The following PCSK2 variants were observed in gnomAD, a reference collection of about 807,000 sequenced individuals.
PCSK2 encodes proprotein convertase subtilisin/kexin type 2.
In PCSK2, 14 loss-of-function variants were observed where a neutral mutation model predicts 69.7. The ratio of observed to expected loss-of-function variants is 0.20; its 90% CI spans 0.13 to 0.31. PCSK2 has a LOEUF of 0.31. PCSK2 is among the 10% of genes least tolerant of loss of function. The probability of loss-of-function intolerance (pLI) is 1.00; values close to 1 mark genes in which losing one functional copy is unlikely to be tolerated. For synonymous variants in PCSK2, 307 were observed against 320.7 expected, an observed-to-expected ratio of 0.96 and a Z score of 0.46; for missense variants, 544 against 842.5, an observed-to-expected ratio of 0.65 and a Z score of 4.39.
intron 2 of PCSK2, among the ~76,000 whole-genome samples, chr20:17,351,140 T>C (rs1490799148): frequency 6.6e-6 from 1 of 152,090 alleles, no homozygotes. Flanking sequence ...AGCATGGTCA[T>C]AACTGGCACA....
chr20:17,374,988 G>A lies in PCSK2; in HGVS notation c.543+5711G>A, dbSNP rs1038908158. Among the ~76,000 whole-genome samples, 16 of 152,180 alleles carry A rather than the reference G, an allele frequency of 1.1e-4. 1 individual carries two copies. Among genetic ancestry groups the A allele is most frequent in the Non-Finnish European group, 1.9e-4 (13 of 68,034 alleles). ...GATGACTCCTGGCTCCCTACCTCAT[G>A]ATGCAGCCTTAGAGGAGCATATCAA... On this transcript the variant is annotated intron_variant, in intron 5 of 11. Coordinates refer to ENST00000262545, the MANE Select transcript of PCSK2 (RefSeq NM_002594.5).
chr20:17,435,218 T>C (rs1445969030), intron 7 of PCSK2, among the ~76,000 whole-genome samples: 1 of 152,178 alleles, frequency 6.6e-6, no homozygotes, highest in Non-Finnish European at 1.5e-5. Flanking sequence ...AATAAGGTAA[T>C]AATGCCAGAT....
At chr20:17,411,599 A>G (rs2031874395) in intron 6 of PCSK2, among the ~76,000 whole-genome samples, 2 of 152,218 alleles carry the variant, frequency 1.3e-5, no homozygotes, top group South Asian at 4.1e-4. Context: ...GCATAGCTGG[A>G]AAAAAGGAGC....
chr20:17,397,904 T>A (rs977837916), intron 5 of PCSK2, among the ~76,000 whole-genome samples: 1 of 152,222 alleles, frequency 6.6e-6, no homozygotes, highest in Non-Finnish European at 1.5e-5. Flanking sequence ...CAGAGCTGAC[T>A]TTTTCCATAG....
chr20:17,431,264 T>C (rs2032359630), intron 7 of PCSK2, among the ~76,000 whole-genome samples: 1 of 152,176 alleles, frequency 6.6e-6, no homozygotes, highest in Non-Finnish European at 1.5e-5. Context: ...CCCGCTAATG[T>C]GAGGAGGCTG....
At chr20:17,394,419 G>A (rs2031461790) in intron 5 of PCSK2, among the ~76,000 whole-genome samples, 2 of 152,340 alleles carry the variant, frequency 1.3e-5, no homozygotes, top group South Asian at 4.1e-4. Flanking sequence ...TCACAGCAGA[G>A]TGTCATGTGG....
At chr20:17,319,859 G>A (rs776231463) in intron 2 of PCSK2, among the ~76,000 whole-genome samples, 3 of 152,204 alleles carry the variant, frequency 2.0e-5, no homozygotes, top group Admixed American at 6.5e-5. Flanking sequence ...ATTCAGAAAG[G>A]TGACTTTTTT....
intron 11 of PCSK2, chr20:17,479,463 A>G (rs1600613748): frequency 3.8e-6 from 2 of 520,898 alleles, no homozygotes; most frequent in Admixed American, 3.0e-5. Context: ...GGGCGGAGCT[A>G]CGCCTGTGCC....
At chr20:17,235,320 A>T (rs1986298934) in intron 1 of PCSK2, among the ~76,000 whole-genome samples, 1 of 152,156 alleles carries the variant, frequency 6.6e-6, no homozygotes, top group South Asian at 2.1e-4. Context: ...TCTCCATTAG[A>T]AAATTGACAA....
intron 2 of PCSK2, among the ~76,000 whole-genome samples, chr20:17,348,014 G>A (rs1040668230): frequency 2.1e-5 from 2 of 94,066 alleles, no homozygotes; most frequent in Non-Finnish European, 4.3e-5. Context: ...GAAAGAAAGA[G>A]AGAAAAGAGA....
chr20:17,276,334 A>T (rs924343865), intron 2 of PCSK2, among the ~76,000 whole-genome samples: 2 of 152,138 alleles, frequency 1.3e-5, no homozygotes, highest in Non-Finnish European at 2.9e-5. Flanking sequence ...TGTGCTAATT[A>T]ACTCCACATT....
chr20:17,444,280 G>A (rs962198686), intron 8 of PCSK2, among the ~76,000 whole-genome samples: 1 of 152,168 alleles, frequency 6.6e-6, no homozygotes, highest in Non-Finnish European at 1.5e-5. Context: ...ACAAAGAGGA[G>A]ATGGATAAGA....
intron 1 of PCSK2, among the ~76,000 whole-genome samples, chr20:17,240,503 G>A (rs550300487): frequency 6.6e-5 from 10 of 152,188 alleles, no homozygotes; most frequent in African/African-American, 1.9e-4. Context: ...TCAGGAGAGC[G>A]GTGCCTGAAA....
chr20:17,341,405 C>G (rs185523761), intron 2 of PCSK2, among the ~76,000 whole-genome samples: 1 of 152,128 alleles, frequency 6.6e-6, no homozygotes, highest in East Asian at 1.9e-4. Context: ...TTATAGCTCC[C>G]GAAGTGAAGC....
chr20:17,381,827 G>A (rs1300350800), intron 5 of PCSK2, among the ~76,000 whole-genome samples: 1 of 152,128 alleles, frequency 6.6e-6, no homozygotes, highest in Non-Finnish European at 1.5e-5. Context: ...TGTAAAGAAT[G>A]TTCCAGAACA....
At chr20:17,439,336 G>T (rs998260876) in intron 8 of PCSK2, among the ~76,000 whole-genome samples, 2 of 151,938 alleles carry the variant, frequency 1.3e-5, no homozygotes, top group Non-Finnish European at 2.9e-5. Context: ...TGTTGCCCAG[G>T]CTAGTTTCAA....
At chr20:17,286,522 A>C (rs2123056846) in intron 2 of PCSK2, among the ~76,000 whole-genome samples, 1 of 152,306 alleles carries the variant, frequency 6.6e-6, no homozygotes, top group South Asian at 2.1e-4. Context: ...GATGCTTTAT[A>C]AGAAAGGCAC....
chr20:17,376,380 C>T (rs6075201), intron 5 of PCSK2, among the ~76,000 whole-genome samples: 46,206 of 152,126 alleles, frequency 0.3, 8,543 homozygotes, highest in South Asian at 0.58. Context: ...ATATTATGGC[C>T]GTTTTTGTGT....
At chr20:17,246,040 T>C (rs1298190904) in intron 1 of PCSK2, among the ~76,000 whole-genome samples, 2 of 152,200 alleles carry the variant, frequency 1.3e-5, no homozygotes, top group East Asian at 3.9e-4. Context: ...TAGAACCTCC[T>C]GATCTTTTTA....
Sources: gnomAD v4.1 joint callset for allele counts (sites outside exome capture counted in the v4.1 genomes callset) on GRCh38, gnomAD v4.1.1 for gene constraint, MANE v1.5 for transcripts, NCBI Gene and HGNC (gene_info 2026-07-23, HGNC 2026-07-21) for gene names.